KCNQ1OT1: variants seen among roughly 807,000 people sequenced by gnomAD.
KCNQ1OT1 encodes KCNQ1 antisense RNA 2 (non-protein coding).
exon 1 of KCNQ1OT1, chr11:2,648,502 A>G (rs1229294662): frequency 5.0e-6 from 2 of 398,320 alleles, no homozygotes; most frequent in Non-Finnish European, 8.8e-6. Flanking sequence ...GAATTTTTAA[A>G]TTTTTAAAAT....
rs1217173160 is a variant in KCNQ1OT1, at chr11:2,676,436, G to C, written n.23559C>G. ...CAATGGGCTGGGCTTTTCCCAGATA[G>C]GACATGCTCACTGTTCTGCTCAGAT... On this transcript the variant is annotated non_coding_transcript_exon_variant, in exon 1 of 1. Transcript: ENST00000597346. The surrounding 1 kb of genome is among the most constrained non-coding windows in gnomAD (Gnocchi z 4.2). 2.5e-6 allele frequency: 1 copy of C among 398,522 alleles called. No individual in the cohort carries two copies. The highest frequency in any genetic ancestry group is 4.4e-6 in the Non-Finnish European group (1 of 226,082). The allele number at this position is 398,522 out of a possible 1,614,324, so 24.7% of individuals were successfully genotyped here.
chr11:2,693,690 C>T (rs111275623), exon 1 of KCNQ1OT1: 20 of 398,642 alleles, frequency 5.0e-5, no homozygotes, highest in African/African-American at 2.3e-4. Context: ...AGACTGGGTG[C>T]GCTCCAGCCT....
chr11:2,672,866 C>T (rs1850211683), exon 1 of KCNQ1OT1: 1 of 398,754 alleles, frequency 2.5e-6, no homozygotes, highest in East Asian at 3.6e-5. Context: ...GTGTCATACC[C>T]TAGCCACCTG....
exon 1 of KCNQ1OT1, chr11:2,685,227 T>C (rs1850464937): frequency 2.5e-6 from 1 of 398,564 alleles, no homozygotes; most frequent in Non-Finnish European, 4.4e-6. Flanking sequence ...ACGGAGGCAC[T>C]ACTTCAGTCC....
exon 1 of KCNQ1OT1, chr11:2,662,884 T>C: frequency 2.5e-6 from 1 of 398,770 alleles, no homozygotes; most frequent in Non-Finnish European, 4.4e-6. Context: ...AAGGGTGTTT[T>C]GTTCTTTGGA....
chr11:2,643,648 A>G (rs529963151), exon 1 of KCNQ1OT1: 2 of 398,458 alleles, frequency 5.0e-6, no homozygotes, highest in Non-Finnish European at 4.4e-6. Flanking sequence ...ATTTATATGC[A>G]AGGTTATTGT....
At chr11:2,688,270 C>T (rs1850526363) in exon 1 of KCNQ1OT1, 1 of 398,730 alleles carries the variant, frequency 2.5e-6, no homozygotes, top group East Asian at 3.6e-5. Flanking sequence ...GGCGCCATGA[C>T]CTCTGTTTAG....
In KCNQ1OT1 at chr11:2,687,890, T is replaced by A. The variant is rs1850518324; in HGVS notation, n.12105A>T. 1 of 398,522 alleles carries A rather than the reference T, an allele frequency of 2.5e-6. No homozygotes were observed. Among genetic ancestry groups the A allele is most frequent in the Non-Finnish European group, 4.4e-6 (1 of 226,108 alleles). 24.7% of individuals were successfully genotyped at this position (398,522 alleles called of 1,614,324 possible). A position where few individuals can be genotyped will look rare whatever the true frequency, so the allele number is the denominator to read the frequency against. ...CTGGACTTGGGGTGTCCCGCGGAAA[T>A]CCTGGTGGGATGGAAAATCCCCAGC... On this transcript the variant is annotated non_coding_transcript_exon_variant, in exon 1 of 1. Coordinates refer to ENST00000597346, the Ensembl canonical transcript of KCNQ1OT1. This position sits in a 1 kb window ranked among gnomAD's most constrained non-coding sequence, Gnocchi z 5.0.
chr11:2,610,832 A>T, exon 1 of KCNQ1OT1: 1 of 393,478 alleles, frequency 2.5e-6, no homozygotes, highest in Non-Finnish European at 4.4e-6. Context: ...TGTCTCCCTG[A>T]CACCAGAACA....
In KCNQ1OT1 at chr11:2,627,422, A is replaced by T. The variant is rs1311483690; in HGVS notation, n.72573T>A. 7.5e-6 allele frequency: 3 copies of T among 398,128 alleles called. No homozygotes were observed. The highest frequency in any genetic ancestry group is 6.2e-5 in the African/African-American group (3 of 48,502). 24.7% of individuals were successfully genotyped at this position (398,128 alleles called of 1,614,324 possible). A position where few individuals can be genotyped will look rare whatever the true frequency, so the allele number is the denominator to read the frequency against. The stretch of plus-strand genomic sequence containing the variant: ...ATGTCAAGAACTTATTCATCTGATA[A>T]CTCTATGTTTGTACCCTTCAACATT... On this transcript the variant is annotated non_coding_transcript_exon_variant, in exon 1 of 1. Coordinates refer to ENST00000597346, the Ensembl canonical transcript of KCNQ1OT1. This position sits in a 1 kb window ranked among gnomAD's most constrained non-coding sequence, Gnocchi z 4.9.
chr11:2,649,263 G>GA, exon 1 of KCNQ1OT1: 1 of 398,146 alleles, frequency 2.5e-6, no homozygotes, highest in Admixed American at 4.4e-5. Flanking sequence ...ATTGTTTTCT[G>GA]ACTGATTTGT....
chr11:2,620,078 T>A lies in KCNQ1OT1; in HGVS notation n.79917A>T, dbSNP rs1849140351. 2.5e-6 allele frequency: 1 copy of A among 398,380 alleles called. No homozygotes were observed. The highest frequency in any genetic ancestry group is 4.4e-6 in the Non-Finnish European group (1 of 226,020). The allele number at this position is 398,380 out of a possible 1,614,324, so 24.7% of individuals were successfully genotyped here. A position where few individuals can be genotyped will look rare whatever the true frequency, so the allele number is the denominator to read the frequency against. On this transcript the variant is annotated non_coding_transcript_exon_variant, in exon 1 of 1. Transcript: ENST00000597346. The surrounding 1 kb of genome is among the most constrained non-coding windows in gnomAD (Gnocchi z 4.5). Reference sequence around the variant, plus strand: ...TCTTTATGTCCATGTTTACTCAGTGTTTAGGTCCCACTTGCAAGTGGTAAC... The same window carrying A: ...TCTTTATGTCCATGTTTACTCAGTGATTAGGTCCCACTTGCAAGTGGTAAC...
chr11:2,692,084 G>A (rs1850597140), exon 1 of KCNQ1OT1: 3 of 398,476 alleles, frequency 7.5e-6, no homozygotes, highest in Non-Finnish European at 1.3e-5. Context: ...CCAGTCACCT[G>A]CCCCCACCTC....
chr11:2,671,023 G>C lies in KCNQ1OT1; in HGVS notation n.28972C>G, dbSNP rs1442862236. 1 of 398,522 alleles carries C rather than the reference G, an allele frequency of 2.5e-6. No individual in the cohort carries two copies. The highest frequency in any genetic ancestry group is 4.4e-6 in the Non-Finnish European group (1 of 226,094). 24.7% of individuals were successfully genotyped at this position (398,522 alleles called of 1,614,324 possible). Reference sequence around the variant, plus strand: ...TGTGGGCCCTGTTAGGGACAACGTAGGTGTCCTGGGCAGGGGCTGTATCTG... The same window carrying C: ...TGTGGGCCCTGTTAGGGACAACGTACGTGTCCTGGGCAGGGGCTGTATCTG... On this transcript the variant is annotated non_coding_transcript_exon_variant, in exon 1 of 1. Coordinates refer to ENST00000597346, the Ensembl canonical transcript of KCNQ1OT1. This position sits in a 1 kb window ranked among gnomAD's most constrained non-coding sequence, Gnocchi z 4.7.
At chr11:2,614,800 G>A (rs905958748) in exon 1 of KCNQ1OT1, 1 of 398,250 alleles carries the variant, frequency 2.5e-6, no homozygotes, top group African/African-American at 2.1e-5. Context: ...CTGCAGCTTT[G>A]TAAAAGTTTT....
exon 1 of KCNQ1OT1, chr11:2,689,136 C>A (rs1850546510): frequency 2.5e-6 from 1 of 398,688 alleles, no homozygotes. Flanking sequence ...AGCCTGAGAC[C>A]CTAAGGAGAG....
At chr11:2,667,385 T>A (rs1850096601) in exon 1 of KCNQ1OT1, 1 of 398,690 alleles carries the variant, frequency 2.5e-6, no homozygotes, top group South Asian at 1.3e-4. Flanking sequence ...CCTGCCCCAG[T>A]GCACTCTGGC....
Position 2,624,850 on chromosome 11 carries a change from G to A in KCNQ1OT1, n.75145C>T. On this transcript the variant is annotated non_coding_transcript_exon_variant, in exon 1 of 1. Coordinates refer to ENST00000597346, the Ensembl canonical transcript of KCNQ1OT1. This position sits in a 1 kb window ranked among gnomAD's most constrained non-coding sequence, Gnocchi z 4.9. ...GGAAACATACAGTACTTCTCTTCTT[G>A]TGACTGCTGTATTTCATTTAACATA... The A allele has an allele frequency of 2.5e-6, 1 of 398,332 alleles. No homozygotes were observed. Among genetic ancestry groups the A allele is most frequent in the Non-Finnish European group, 4.4e-6 (1 of 226,012 alleles). 24.7% of individuals were successfully genotyped at this position (398,332 alleles called of 1,614,324 possible).
chr11:2,658,727 A>G lies in KCNQ1OT1; in HGVS notation n.41268T>C. The G allele has an allele frequency of 2.5e-6, 1 of 398,566 alleles. No homozygotes were observed. The highest frequency in any genetic ancestry group is 4.4e-6 in the Non-Finnish European group (1 of 226,062). The allele number at this position is 398,566 out of a possible 1,614,324, so 24.7% of individuals were successfully genotyped here. On this transcript the variant is annotated non_coding_transcript_exon_variant, in exon 1 of 1. Transcript: ENST00000597346. The surrounding 1 kb of genome is among the most constrained non-coding windows in gnomAD (Gnocchi z 4.9). ...GTAACCTGAGTACACATACATCTTTACATATCTGTATCTATATAAAGCTAA... is the reference window on the plus strand; with the variant it reads ...GTAACCTGAGTACACATACATCTTTGCATATCTGTATCTATATAAAGCTAA...
Sources: gnomAD v4.1 joint callset for allele counts on GRCh38, gnomAD v4.1.1 for gene constraint, Gnocchi (gnomAD v3.1) non-coding constraint, MANE v1.5 for transcripts, NCBI Gene and HGNC (gene_info 2026-07-23, HGNC 2026-07-21) for gene names.